Variants in PRKD3 observed in about 807,000 individuals in gnomAD.
PRKD3 encodes serine/threonine-protein kinase D3.
A neutral mutation model predicts 99.2 loss-of-function variants in PRKD3; 47 were observed. That is an observed-to-expected ratio of 0.47 (90% confidence interval 0.38 to 0.60). The LOEUF is 0.60. PRKD3 is among the 20% of genes least tolerant of loss of function. The pLI, the probability that PRKD3 is intolerant of heterozygous loss-of-function variation, is 0.00. For synonymous variants in PRKD3, 392 were observed against 355.4 expected, an observed-to-expected ratio of 1.10 and a Z score of -1.16; for missense variants, 1,019 against 1,088.4, an observed-to-expected ratio of 0.94 and a Z score of 0.90.
intron 15 of PRKD3, among the ~76,000 whole-genome samples, 178 bp downstream of exon 15, chr2:37,260,045 A>T (rs1668292560): frequency 6.6e-6 from 1 of 152,064 alleles, no homozygotes; most frequent in African/African-American, 2.4e-5. Flanking sequence ...CACATCTGCA[A>T]TCCTAGATAC....
intron 6 of PRKD3, 41 bp from the exon 7 acceptor site, chr2:37,282,660 C>A: frequency 7.5e-7 from 1 of 1,326,908 alleles, no homozygotes; most frequent in South Asian, 1.2e-5. Context: ...ATGTAAAAGT[C>A]AAGCAGTATC....
At chr2:37,271,189 A>G (rs1260363357) in intron 12 of PRKD3, among the ~76,000 whole-genome samples, 2 of 152,218 alleles carry the variant, frequency 1.3e-5, no homozygotes, top group Non-Finnish European at 2.9e-5. Context: ...GAAATTATAT[A>G]TAACAATTTA....
chr2:37,276,150 C>T (rs1448242166), intron 9 of PRKD3, among the ~76,000 whole-genome samples: 26 of 152,034 alleles, frequency 1.7e-4, no homozygotes, highest in Admixed American at 1.7e-3. Context: ...TACACACACA[C>T]ACATAAAAAT....
chr2:37,262,468 T>C (rs1668537619), intron 14 of PRKD3, among the ~76,000 whole-genome samples: 1 of 152,196 alleles, frequency 6.6e-6, no homozygotes, highest in African/African-American at 2.4e-5. Context: ...TGTTTGCTAA[T>C]CATTTTAAAC....
At chr2:37,304,724 A>G (rs2124877679) in intron 2 of PRKD3, among the ~76,000 whole-genome samples, 1 of 151,482 alleles carries the variant, frequency 6.6e-6, no homozygotes, top group African/African-American at 2.4e-5. Flanking sequence ...CCTGGGTGAA[A>G]GCAAAACTCC....
At chr2:37,309,737 A>C (rs1421206993) in intron 2 of PRKD3, among the ~76,000 whole-genome samples, 1 of 151,072 alleles carries the variant, frequency 6.6e-6, no homozygotes, top group Non-Finnish European at 1.5e-5. Flanking sequence ...AATCCCAGCT[A>C]CTCGGGAGGC....
chr2:37,296,534 G>A (rs1361138527), intron 2 of PRKD3, among the ~76,000 whole-genome samples: 2 of 151,980 alleles, frequency 1.3e-5, no homozygotes, highest in Non-Finnish European at 2.9e-5. Context: ...GTAATAGCCA[G>A]CCTGTGAAAA....
intron 15 of PRKD3, among the ~76,000 whole-genome samples, 167 bp downstream of exon 15, chr2:37,260,056 T>C (rs549084503): frequency 3.3e-5 from 5 of 151,894 alleles, no homozygotes; most frequent in Non-Finnish European, 7.4e-5. Context: ...TCCTAGATAC[T>C]TGGGAGGCTG....
intron 2 of PRKD3, among the ~76,000 whole-genome samples, chr2:37,303,046 G>C (rs1047405998): frequency 7.9e-5 from 12 of 152,114 alleles, no homozygotes. Context: ...CCCCTGTCCT[G>C]TGCCTATAAA....
At chr2:37,254,363 GC>G in intron 17 of PRKD3, 74 bp from the exon 18 acceptor site, 1 of 1,146,606 alleles carries the variant, frequency 8.7e-7, no homozygotes, top group Non-Finnish European at 1.3e-6. Flanking sequence ...TGCCTAGAAG[GC>G]AGTTCAACCC....
At chr2:37,305,300 G>T (rs760411790) in intron 2 of PRKD3, among the ~76,000 whole-genome samples, 1 of 152,170 alleles carries the variant, frequency 6.6e-6, no homozygotes, top group Non-Finnish European at 1.5e-5. Context: ...CTAGTGTCAC[G>T]TAAATCGTCA....
chr2:37,307,480 A>G (rs1399654767), intron 2 of PRKD3, among the ~76,000 whole-genome samples: 1 of 152,198 alleles, frequency 6.6e-6, no homozygotes, highest in Non-Finnish European at 1.5e-5. Flanking sequence ...AAGAATACTG[A>G]TGCTTATCTG....
Position 37,316,966 on chromosome 2 carries a change from T to A in PRKD3, c.-442A>T. ...AAAAACAGTAAGTGTTTTGGATTAA[T>A]CTATTCAGTACTTTTCCTTTGGTTT... On this transcript the variant is annotated 5_prime_UTR_variant, in exon 2 of 19. Transcript: ENST00000234179. 1.0e-6 allele frequency: 1 copy of A among 995,854 alleles called. No homozygotes were observed. The highest frequency in any genetic ancestry group is 1.2e-6 in the Non-Finnish European group (1 of 836,592). 61.7% of individuals were successfully genotyped at this position (995,854 alleles called of 1,614,324 possible). A position where few individuals can be genotyped will look rare whatever the true frequency, so the allele number is the denominator to read the frequency against.
At chr2:37,276,162 T>C (rs1362991069) in intron 9 of PRKD3, among the ~76,000 whole-genome samples, 1 of 152,054 alleles carries the variant, frequency 6.6e-6, no homozygotes, top group Non-Finnish European at 1.5e-5. Flanking sequence ...CATAAAAATA[T>C]GTAATTTACC....
chr2:37,263,576 G>C (rs190908996), intron 14 of PRKD3, among the ~76,000 whole-genome samples: 1 of 152,136 alleles, frequency 6.6e-6, no homozygotes, highest in Admixed American at 6.5e-5. Flanking sequence ...ATTTGGTGTA[G>C]TATGATTTTC....
In PRKD3 at chr2:37,316,348, T is replaced by C. The variant is rs766776349; in HGVS notation, c.177A>G (p.Thr59=). The C allele has an allele frequency of 1.9e-6, 3 of 1,614,194 alleles. No individual in the cohort carries two copies. The South Asian group carries it at 3.3e-5, about 18-fold the overall frequency. ...GGCCAATTTGCAGTAGAAATGAAAC[T>C]GTATGCACTGAGCCTCTGGAGTTGG... ...SLTNSRGSVH[T]VSFLLQIGLT... is the part of the protein sequence containing the mutation. The change falls in exon 2 of 19, where the codon ACA becomes ACG. Residue 59 remains threonine, a synonymous_variant. Coordinates refer to ENST00000234179, the MANE Select transcript of PRKD3 (RefSeq NM_005813.6).
chr2:37,277,838 G>C, intron 9 of PRKD3, 28 bp downstream of exon 9: 3 of 1,603,934 alleles, frequency 1.9e-6, no homozygotes, highest in Middle Eastern at 1.7e-4. Flanking sequence ...AGTCTTACTA[G>C]CATATTCAAA....
At chr2:37,280,770 CAAAATACAAAA>C (rs1465853489) in intron 7 of PRKD3, among the ~76,000 whole-genome samples, 2 of 152,024 alleles carry the variant, frequency 1.3e-5, no homozygotes, top group Non-Finnish European at 2.9e-5. Flanking sequence ...TGGATTTCAT[CAAAATACAAAA>C]CTTCTGTGCT....
chr2:37,323,102 G>T (rs1430332185), intron 1 of PRKD3, among the ~76,000 whole-genome samples: 4 of 151,708 alleles, frequency 2.6e-5, no homozygotes, highest in African/African-American at 9.7e-5. Context: ...TTTTATTTAT[G>T]AAGTTCTGTG....
Sources: gnomAD v4.1 joint callset for allele counts (sites outside exome capture counted in the v4.1 genomes callset) on GRCh38, gnomAD v4.1.1 for gene constraint, MANE v1.5 for transcripts, NCBI Gene and HGNC (gene_info 2026-07-23, HGNC 2026-07-21) for gene names.